IQCK: variants seen among roughly 807,000 people sequenced by gnomAD.
IQCK encodes IQ motif containing K.
A neutral mutation model predicts 28.1 loss-of-function variants in IQCK; 29 were observed. That is an observed-to-expected ratio of 1.03 (90% CI 0.77 to 1.41). The LOEUF (loss-of-function observed/expected upper bound fraction) is 1.41, where lower values mean the gene tolerates loss of function less well. Among genes scored for constraint, IQCK ranks in the 40% most tolerant of loss-of-function variants. IQCK has a pLI of 0.00. For synonymous variants in IQCK, 113 were observed against 115.1 expected, an observed-to-expected ratio of 0.98 and a Z score of 0.12; for missense variants, 359 against 314.7, an observed-to-expected ratio of 1.14 and a Z score of -1.07.
intron 9 of IQCK, among the ~76,000 whole-genome samples, chr16:19,855,907 C>G (rs1010635023): frequency 3.9e-5 from 6 of 152,146 alleles, no homozygotes; most frequent in African/African-American, 1.4e-4. Context: ...GACTGGGTTT[C>G]CATATTTAAT....
chr16:19,763,834 T>C lies in IQCK; in HGVS notation c.475-14T>C. The C allele has an allele frequency of 6.3e-7, 1 of 1,599,990 alleles. No individual in the cohort carries two copies. Among genetic ancestry groups the C allele is most frequent in the Non-Finnish European group, 8.6e-7 (1 of 1,167,370 alleles). On this transcript the variant is annotated splice_polypyrimidine_tract_variant and intron_variant, in intron 4 of 7. Coordinates refer to ENST00000564186, the Ensembl canonical transcript of IQCK. ...AAGGGTCAGTTGTAATTTAATTATC[T>C]CTTCTCTCTTCAGAGGAAAAGAACC...
rs58387109 is a variant in IQCK at position 19,803,291 on chromosome 16, C to T, written c.690+14369C>T. Among the ~76,000 whole-genome samples, 198 of 152,196 alleles carry T rather than the reference C, an allele frequency of 1.3e-3. 1 individual carries two copies. Among genetic ancestry groups the T allele is most frequent in the African/African-American group, 4.6e-3 (190 of 41,542 alleles). Reference sequence around the variant, plus strand: ...CGGAGTAGCTGGGATTACAGGCGCACGCCACTGCACCCGGCTAATTTTTGC... The same window carrying T: ...CGGAGTAGCTGGGATTACAGGCGCATGCCACTGCACCCGGCTAATTTTTGC... On this transcript the variant is annotated intron_variant, in intron 7 of 7. Coordinates refer to ENST00000564186, the Ensembl canonical transcript of IQCK.
intron 9 of IQCK, among the ~76,000 whole-genome samples, chr16:19,844,944 G>A (rs1473272670): frequency 6.6e-6 from 1 of 152,106 alleles, no homozygotes; most frequent in Non-Finnish European, 1.5e-5. Context: ...TAGTAGCTGG[G>A]ACTACAGGCA....
chr16:19,729,654 AT>A (rs751057781), intron 1 of IQCK, among the ~76,000 whole-genome samples: 2 of 149,980 alleles, frequency 1.3e-5, no homozygotes, highest in African/African-American at 4.9e-5. Context: ...TTTATTTTTT[AT>A]TTTTTTTGAG....
chr16:19,819,299 C>T (rs1219712226), intron 7 of IQCK, among the ~76,000 whole-genome samples: 2 of 151,850 alleles, frequency 1.3e-5, no homozygotes, highest in South Asian at 4.2e-4. Flanking sequence ...TTGAGACGAG[C>T]CTGGCCAACA....
At chr16:19,751,327 A>G (rs540478639) in intron 4 of IQCK, among the ~76,000 whole-genome samples, 2 of 152,170 alleles carry the variant, frequency 1.3e-5, no homozygotes, top group Admixed American at 1.3e-4. Context: ...TACAAAAAAT[A>G]GAAATTAGCC....
At position 19,825,641 on chromosome 16, in the gene IQCK, ACT is replaced by A. The variant is rs1482932752; in HGVS notation, c.691-1382_691-1381del. 3.3e-5 allele frequency among the ~76,000 whole-genome samples: 5 copies of A among 152,172 alleles called. No individual in the cohort carries two copies. Among genetic ancestry groups the A allele is most frequent in the Non-Finnish European group, 7.3e-5 (5 of 68,036 alleles). On this transcript the variant is annotated intron_variant, in intron 7 of 7. Coordinates refer to ENST00000564186, the Ensembl canonical transcript of IQCK. This position sits in a 1 kb window ranked among gnomAD's most constrained non-coding sequence, Gnocchi z 4.2. ...AGACCAGCCTGGGCAACATGGCAAG[ACT>A]CTTTCTCTACAAAATAAAGAAAATA...
intron 4 of IQCK, among the ~76,000 whole-genome samples, chr16:19,740,216 A>G (rs556565025): frequency 3.0e-4 from 46 of 152,008 alleles, no homozygotes; most frequent in Non-Finnish European, 5.9e-4. Flanking sequence ...CTGTTTTTTC[A>G]TTTGCTCACT....
chr16:19,797,097 C>A (rs2055699829), intron 7 of IQCK, among the ~76,000 whole-genome samples: 1 of 83,076 alleles, frequency 1.2e-5, no homozygotes, highest in Non-Finnish European at 1.9e-5. Context: ...AAAGAAAAGT[C>A]AGATTGTTTC....
intron 4 of IQCK, among the ~76,000 whole-genome samples, chr16:19,747,196 C>G (rs1315687010): frequency 1.3e-5 from 2 of 152,208 alleles, no homozygotes; most frequent in Non-Finnish European, 2.9e-5. Flanking sequence ...GGAGTTTCTT[C>G]TGGCCTTGGC....
intron 9 of IQCK, among the ~76,000 whole-genome samples, chr16:19,839,305 C>T (rs1042397526): frequency 6.6e-6 from 1 of 151,558 alleles, no homozygotes; most frequent in East Asian, 2.0e-4. Flanking sequence ...GGATTACAGG[C>T]GCACGCCATC....
chr16:19,734,196 A>C (rs1443354541), intron 3 of IQCK, among the ~76,000 whole-genome samples: 1 of 152,036 alleles, frequency 6.6e-6, no homozygotes, highest in Non-Finnish European at 1.5e-5. Flanking sequence ...CTCTACAAAA[A>C]ATTTAAAAAA....
intron 9 of IQCK, among the ~76,000 whole-genome samples, chr16:19,839,241 A>G (rs1430041499): frequency 6.7e-6 from 1 of 150,342 alleles, no homozygotes; most frequent in Non-Finnish European, 1.5e-5. Flanking sequence ...GCTCACTGCA[A>G]CCTCCACCTC....
intron 6 of IQCK, among the ~76,000 whole-genome samples, chr16:19,779,074 C>T (rs1422796552): frequency 3.3e-5 from 5 of 152,262 alleles, no homozygotes; most frequent in Non-Finnish European, 7.4e-5. Context: ...CCTCGAACTC[C>T]TGCCCTCAAG....
At chr16:19,785,906 T>G (rs954785244) in intron 6 of IQCK, among the ~76,000 whole-genome samples, 2 of 152,204 alleles carry the variant, frequency 1.3e-5, no homozygotes, top group Non-Finnish European at 2.9e-5. Context: ...CTTTCTTTGC[T>G]TTGCTGGGCG....
rs1294252121 is a variant in IQCK at position 19,799,595 on chromosome 16, T to TAC, written c.690+10674_690+10675insCA. 4.1e-3 allele frequency among the ~76,000 whole-genome samples: 460 copies of TAC among 112,260 alleles called. 18 individuals carry two copies. Among genetic ancestry groups the TAC allele is most frequent in the African/African-American group, 0.013 (260 of 19,592 alleles). 73.6% of individuals were successfully genotyped at this position (112,260 alleles called of 152,430 possible). ...CTATATTTTATTTTATATATATATA[T>TAC]ATACACACACACACACACACACACA... On this transcript the variant is annotated intron_variant, in intron 7 of 7. Transcript: ENST00000564186.
At chr16:19,842,082 G>A (rs1451155754) in intron 9 of IQCK, among the ~76,000 whole-genome samples, 2 of 152,090 alleles carry the variant, frequency 1.3e-5, no homozygotes, top group Non-Finnish European at 2.9e-5. Context: ...CTGACCTCAG[G>A]TGATCTGCCC....
At chr16:19,736,246 G>T in intron 4 of IQCK, 2 of 439,262 alleles carry the variant, frequency 4.6e-6, no homozygotes, top group South Asian at 1.6e-5. Flanking sequence ...CAGCTTCTCT[G>T]CAGGGAAGTT....
chr16:19,784,700 C>A (rs1266110146), intron 6 of IQCK, among the ~76,000 whole-genome samples: 1 of 152,200 alleles, frequency 6.6e-6, no homozygotes, highest in Non-Finnish European at 1.5e-5. Context: ...CAAACTGGGC[C>A]AAGGACCAGG....
Sources: allele counts gnomAD v4.1 joint callset (sites outside exome capture counted in the v4.1 genomes callset), GRCh38; gene constraint gnomAD v4.1.1; non-coding constraint Gnocchi (gnomAD v3.1); transcripts MANE v1.5; gene names NCBI Gene and HGNC (gene_info 2026-07-23, HGNC 2026-07-21).